AUTS2: variants seen among roughly 807,000 people sequenced by gnomAD.
AUTS2 encodes autism susceptibility gene 2 protein.
A neutral mutation model predicts 112.4 loss-of-function variants in AUTS2; 17 were observed. The ratio of observed to expected loss-of-function variants is 0.15; its 90% confidence interval spans 0.10 to 0.23. The LOEUF (loss-of-function observed/expected upper bound fraction) is 0.23. Ranked by LOEUF, AUTS2 falls within the 10% of genes least tolerant of loss-of-function variation. The probability of loss-of-function intolerance (pLI) is 1.00; values close to 1 mark genes in which losing one functional copy is unlikely to be tolerated. For synonymous variants in AUTS2, 751 were observed against 702.7 expected (o/e 1.07, Z -1.09); for missense variants, 1,510 against 1,701.6 (o/e 0.89, Z 1.98).
At chr7:69,653,403 G>C (rs1584013868) in intron 1 of AUTS2, among the ~76,000 whole-genome samples, 1 of 152,144 alleles carries the variant, frequency 6.6e-6, no homozygotes, top group South Asian at 2.1e-4. Flanking sequence ...CTAGCCCATT[G>C]GATGAAGATA....
chr7:70,781,905 C>T, intron 15 of AUTS2, 149 bp downstream of exon 15: 1 of 991,090 alleles, frequency 1.0e-6, no homozygotes, highest in Non-Finnish European at 1.5e-6. Context: ...CGCAGCACAT[C>T]CAGGGAGTTG....
chr7:70,263,554 T>C (rs545370856), intron 4 of AUTS2, among the ~76,000 whole-genome samples: 1 of 152,350 alleles, frequency 6.6e-6, no homozygotes, highest in East Asian at 1.9e-4. Flanking sequence ...TCAAAATGAA[T>C]ATGAAGCTCA....
At chr7:69,900,670 A>T (rs772244732) in intron 2 of AUTS2, among the ~76,000 whole-genome samples, 1 of 152,168 alleles carries the variant, frequency 6.6e-6, no homozygotes, top group Non-Finnish European at 1.5e-5. Context: ...CCTCAATATG[A>T]TGTAGTGGGC....
chr7:70,209,636 T>C (rs1449333543), intron 4 of AUTS2, among the ~76,000 whole-genome samples: 3 of 152,174 alleles, frequency 2.0e-5, no homozygotes, highest in Admixed American at 6.5e-5. Flanking sequence ...AACACAAGCA[T>C]GGATCATGGC....
intron 5 of AUTS2, among the ~76,000 whole-genome samples, chr7:70,460,909 G>A (rs1796936857): frequency 6.6e-6 from 1 of 152,156 alleles, no homozygotes. Flanking sequence ...CAGACACATG[G>A]AATGGGATGG....
At chr7:69,880,098 G>T (rs1176319246) in intron 1 of AUTS2, among the ~76,000 whole-genome samples, 1 of 152,174 alleles carries the variant, frequency 6.6e-6, no homozygotes, top group African/African-American at 2.4e-5. Context: ...GGAGGCTTCA[G>T]GAAATCTTCA....
At chr7:69,810,056 A>G (rs183752087) in intron 1 of AUTS2, among the ~76,000 whole-genome samples, 77 of 152,240 alleles carry the variant, frequency 5.1e-4, no homozygotes, top group African/African-American at 1.7e-3. Flanking sequence ...AGCATGACCT[A>G]AGAACCTGAC....
At chr7:70,786,496 T>C (rs1322747579) in intron 17 of AUTS2, among the ~76,000 whole-genome samples, 2 of 152,132 alleles carry the variant, frequency 1.3e-5, no homozygotes, top group Non-Finnish European at 2.9e-5. Context: ...ATAATCAAGA[T>C]TTGGCACCAT....
At chr7:70,117,117 G>GTTTTTT (rs60488343) in intron 2 of AUTS2, among the ~76,000 whole-genome samples, 11 of 73,080 alleles carry the variant, frequency 1.5e-4, no homozygotes, top group African/African-American at 4.7e-4. Context: ...TTTTTTTTTT[G>GTTTTTT]TTTTTTTTTG....
At chr7:70,282,541 A>G (rs1369396874) in intron 4 of AUTS2, among the ~76,000 whole-genome samples, 1 of 152,030 alleles carries the variant, frequency 6.6e-6, no homozygotes, top group Non-Finnish European at 1.5e-5. Context: ...CCTTTTTTCT[A>G]AAGGCACTAA....
chr7:70,548,880 C>T (rs563835469), intron 5 of AUTS2, among the ~76,000 whole-genome samples: 17 of 151,484 alleles, frequency 1.1e-4, no homozygotes, highest in African/African-American at 4.1e-4. Flanking sequence ...GCTTTGTGTC[C>T]TTTGCATTTC....
chr7:69,811,588 A>T (rs1790544934), intron 1 of AUTS2, among the ~76,000 whole-genome samples: 1 of 152,042 alleles, frequency 6.6e-6, no homozygotes, highest in Non-Finnish European at 1.5e-5. Flanking sequence ...CGTGATTTTT[A>T]GTTTATTACA....
chr7:70,579,137 C>T (rs1802310955), intron 5 of AUTS2, among the ~76,000 whole-genome samples: 1 of 149,502 alleles, frequency 6.7e-6, no homozygotes, highest in South Asian at 2.1e-4. Flanking sequence ...CCATGTTGGC[C>T]AGGCTGGTCT....
At chr7:70,721,192 C>T (rs1433633579) in intron 6 of AUTS2, among the ~76,000 whole-genome samples, 1 of 151,618 alleles carries the variant, frequency 6.6e-6, no homozygotes, top group Non-Finnish European at 1.5e-5. Context: ...ACCTGCAAGG[C>T]TGGTATTGTT....
intron 1 of AUTS2, among the ~76,000 whole-genome samples, chr7:69,619,867 T>C (rs1489690712): frequency 6.6e-6 from 1 of 152,164 alleles, no homozygotes. Context: ...GCATTGTTTT[T>C]TGATGTGTCT....
At chr7:69,668,858 C>A (rs1796190881) in intron 1 of AUTS2, among the ~76,000 whole-genome samples, 1 of 152,110 alleles carries the variant, frequency 6.6e-6, no homozygotes, top group African/African-American at 2.4e-5. Context: ...ATAAGAACAG[C>A]ATCTTCATAC....
chr7:70,404,729 G>A (rs1420074291), intron 4 of AUTS2, among the ~76,000 whole-genome samples: 1 of 152,176 alleles, frequency 6.6e-6, no homozygotes, highest in African/African-American at 2.4e-5. Context: ...ATAGTTGTAT[G>A]TGCCTGCTTG....
At chr7:70,516,339 C>T (rs1250917008) in intron 5 of AUTS2, among the ~76,000 whole-genome samples, 9 of 152,148 alleles carry the variant, frequency 5.9e-5, no homozygotes, top group African/African-American at 1.7e-4. Flanking sequence ...TTTCAGTTTC[C>T]GGCATGGTAC....
chr7:70,070,022 T>A (rs1212238734), intron 2 of AUTS2, among the ~76,000 whole-genome samples: 1 of 152,206 alleles, frequency 6.6e-6, no homozygotes, highest in Non-Finnish European at 1.5e-5. Flanking sequence ...ATTTTTGTGT[T>A]CCTTTATTTC....
Sources: allele counts gnomAD v4.1 joint callset (sites outside exome capture counted in the v4.1 genomes callset), GRCh38; gene constraint gnomAD v4.1.1; transcripts MANE v1.5; gene names NCBI Gene and HGNC (gene_info 2026-07-23, HGNC 2026-07-21).